The following PPIG variants were observed in gnomAD, a reference collection of about 807,000 sequenced individuals.
PPIG encodes peptidyl-prolyl cis-trans isomerase G.
Under a neutral mutation model 87.9 loss-of-function variants are expected in PPIG, and 26 were observed. That is an observed-to-expected ratio of 0.30 (90% CI 0.22 to 0.41). The LOEUF (loss-of-function observed/expected upper bound fraction) is 0.41. PPIG is among the 10% of genes least tolerant of loss of function. PPIG has a pLI of 1.00. For missense variants in PPIG, 722 were observed against 879.4 expected (o/e 0.82, Z 2.26); for synonymous variants, 308 against 276.5 (o/e 1.11, Z -1.13).
At chr2:169,607,709 A>C (rs1685372191) in intron 6 of PPIG, among the ~76,000 whole-genome samples, 1 of 152,186 alleles carries the variant, frequency 6.6e-6, no homozygotes, top group African/African-American at 2.4e-5. Context: ...TTTGTTCTTA[A>C]TATTCTAACC....
chr2:169,630,661 G>A, intron 9 of PPIG, 113 bp from the exon 10 acceptor site: 2 of 868,482 alleles, frequency 2.3e-6, no homozygotes, highest in Non-Finnish European at 3.7e-6. Context: ...CACATAGCTG[G>A]ATGATCTAAG....
At chr2:169,623,279 C>G (rs1004863800) in intron 9 of PPIG, among the ~76,000 whole-genome samples, 5 of 152,290 alleles carry the variant, frequency 3.3e-5, no homozygotes, top group Admixed American at 3.3e-4. Context: ...TTTTCAGGAG[C>G]TGACGTGACC....
At chr2:169,608,837 C>G (rs962034025) in intron 7 of PPIG, 79 bp downstream of exon 7, 19 of 946,026 alleles carry the variant, frequency 2.0e-5, no homozygotes, top group Non-Finnish European at 2.8e-5. Context: ...AATCCCAGGA[C>G]TTTGGGAGGC....
At chr2:169,597,742 A>C (rs769976449) in intron 1 of PPIG, among the ~76,000 whole-genome samples, 1 of 152,008 alleles carries the variant, frequency 6.6e-6, no homozygotes, top group East Asian at 1.9e-4. Flanking sequence ...CAGGTGATCC[A>C]CTTGCCTTGA....
In PPIG at chr2:169,614,711, T is replaced by G. The variant is rs370491037; in HGVS notation, c.534T>G (p.Ile178Met). Residue 178 changes from isoleucine to methionine, a missense_variant, in exon 9 of 14, where the codon ATT becomes ATG. Around this residue, in one of 4 missense-constraint regions of PPIG, gnomAD observed 142 missense variants for 152.8 expected, o/e 0.93. Transcript: ENST00000260970. ...GGATACTCAGTTGTGGAGAGCTGAT[T>G]CCCAAATCTAAAGGTAAAAAGGAAG... Reference protein sequence around the residue: ...EVRILSCGELIPKSKVKKEEK... With the variant: ...EVRILSCGELMPKSKVKKEEK... 1 of 1,600,256 alleles carries G rather than the reference T, an allele frequency of 6.2e-7. No individual in the cohort carries two copies. The highest frequency in any genetic ancestry group is 2.2e-5 in the East Asian group (1 of 44,722).
At position 169,637,373 on chromosome 2, in the gene PPIG, G is replaced by A. The variant is rs1686210385; in HGVS notation, c.2115G>A (p.Met705Ile). ...AGGACAATGAATTAAAGTCCTCCAT[G>A]TTGAAAAATAAGGAGGATGAGAAGA... ...SSQDNELKSS[M>I]LKNKEDEKIR... is the part of the protein sequence containing the mutation. The change falls in exon 14 of 14, where the codon ATG becomes ATA. Residue 705 changes from methionine (M) to isoleucine (I), a missense_variant. Transcript: ENST00000260970. 1.2e-6 allele frequency: 2 copies of A among 1,612,124 alleles called. No homozygotes were observed. The highest frequency in any genetic ancestry group is 1.1e-5 in the South Asian group (1 of 90,570).
chr2:169,623,051 CTT>C (rs1173240343), intron 9 of PPIG, among the ~76,000 whole-genome samples: 1 of 152,112 alleles, frequency 6.6e-6, no homozygotes, highest in African/African-American at 2.4e-5. Context: ...GCCTTTCTCT[CTT>C]TGCAATTTTG....
chr2:169,590,549 G>A (rs2105471049), intron 1 of PPIG, among the ~76,000 whole-genome samples: 1 of 152,242 alleles, frequency 6.6e-6, no homozygotes. Context: ...GGCTGAGGCA[G>A]AAGAATGGCG....
chr2:169,618,705 T>G (rs969704262), intron 9 of PPIG, among the ~76,000 whole-genome samples: 11 of 152,174 alleles, frequency 7.2e-5, no homozygotes, highest in Admixed American at 6.5e-5. Flanking sequence ...TGATCTCCCC[T>G]TTATCATTTT....
At chr2:169,607,933 T>G (rs1037487538) in intron 6 of PPIG, among the ~76,000 whole-genome samples, 1 of 152,124 alleles carries the variant, frequency 6.6e-6, no homozygotes, top group African/African-American at 2.4e-5. Context: ...ATGGGTGTGA[T>G]CATAGTGCAC....
chr2:169,637,963 C>T lies in PPIG; in HGVS notation c.*440C>T, dbSNP rs1558905059. The T allele has an allele frequency of 6.6e-6, 1 of 152,484 alleles. No individual in the cohort carries two copies. The highest frequency in any genetic ancestry group is 1.5e-5 in the Non-Finnish European group (1 of 68,302). 9.4% of individuals were successfully genotyped at this position (152,484 alleles called of 1,614,324 possible). A position where few individuals can be genotyped will look rare whatever the true frequency, so the allele number is the denominator to read the frequency against. On this transcript the variant is annotated 3_prime_UTR_variant, in exon 14 of 14. Coordinates refer to ENST00000260970, the MANE Select transcript of PPIG (RefSeq NM_004792.3). ...TGATTGCGTTATAAATAGAGGTTTGCAGCGGTTTCTTTTAATTACACAGAA... is the reference window on the plus strand; with the variant it reads ...TGATTGCGTTATAAATAGAGGTTTGTAGCGGTTTCTTTTAATTACACAGAA...
chr2:169,630,694 G>A, intron 9 of PPIG, 80 bp from the exon 10 acceptor site: 3 of 1,209,560 alleles, frequency 2.5e-6, no homozygotes, highest in Non-Finnish European at 3.6e-6. Context: ...AACTTAGTGA[G>A]AATCTGCAGA....
At chr2:169,606,671 A>T (rs1685338467) in intron 5 of PPIG, among the ~76,000 whole-genome samples, 2 of 151,660 alleles carry the variant, frequency 1.3e-5, no homozygotes, top group Admixed American at 1.3e-4. Flanking sequence ...AGGCTTCTGG[A>T]TACAAAACAA....
At chr2:169,587,591 G>A (rs1002384565) in intron 1 of PPIG, among the ~76,000 whole-genome samples, 1 of 152,112 alleles carries the variant, frequency 6.6e-6, no homozygotes, top group Non-Finnish European at 1.5e-5. Context: ...TTGCTTAAGT[G>A]TCGGTGATTT....
In PPIG at chr2:169,614,714, C is replaced by A; in HGVS notation, c.537C>A (p.Pro179=). ...TACTCAGTTGTGGAGAGCTGATTCC[C>A]AAATCTAAAGGTAAAAAGGAAGTAC... ...VRILSCGELI[P]KSKVKKEEKK... is the part of the protein sequence containing the mutation. Residue 179 remains proline (P), a synonymous_variant, in exon 9 of 14, where the codon CCC becomes CCA. Coordinates refer to ENST00000260970, the MANE Select transcript of PPIG (RefSeq NM_004792.3). 1 of 1,599,706 alleles carries A rather than the reference C, an allele frequency of 6.3e-7. No individual in the cohort carries two copies. The highest frequency in any genetic ancestry group is 8.5e-7 in the Non-Finnish European group (1 of 1,176,934).
chr2:169,615,924 T>A (rs1375387956), intron 9 of PPIG, among the ~76,000 whole-genome samples: 1 of 152,216 alleles, frequency 6.6e-6, no homozygotes, highest in South Asian at 2.1e-4. Flanking sequence ...GGTATACACA[T>A]GCCATGGTGA....
At chr2:169,622,532 T>G (rs1222648019) in intron 9 of PPIG, among the ~76,000 whole-genome samples, 2 of 152,232 alleles carry the variant, frequency 1.3e-5, no homozygotes, top group African/African-American at 4.8e-5. Flanking sequence ...TCCCTCAAAC[T>G]CATGCTAACC....
chr2:169,618,826 A>ATTT (rs35389984), intron 9 of PPIG, among the ~76,000 whole-genome samples: 1 of 145,426 alleles, frequency 6.9e-6, no homozygotes, highest in African/African-American at 2.5e-5. Context: ...GGATTCATTG[A>ATTT]TTTTTTTTTT....
intron 1 of PPIG, among the ~76,000 whole-genome samples, chr2:169,592,307 T>TC (rs1411767644): frequency 6.7e-5 from 9 of 133,552 alleles, no homozygotes; most frequent in Admixed American, 5.3e-4. Flanking sequence ...TTTTTTCTTT[T>TC]TTTTTTTTTT....
Sources: allele counts gnomAD v4.1 joint callset (sites outside exome capture counted in the v4.1 genomes callset), GRCh38; gene constraint gnomAD v4.1.1; regional missense constraint gnomAD v4.1.1; transcripts MANE v1.5; gene names NCBI Gene and HGNC (gene_info 2026-07-23, HGNC 2026-07-21).